SATB1: variants seen among roughly 807,000 people sequenced by gnomAD.
The protein encoded by SATB1 is DNA-binding protein SATB1.
In SATB1, 11 loss-of-function variants were observed where a neutral mutation model predicts 86.9. That is an observed-to-expected ratio of 0.13 (90% CI 0.08 to 0.21). The LOEUF (loss-of-function observed/expected upper bound fraction) is 0.21. Ranked by LOEUF, SATB1 falls within the 10% of genes least tolerant of loss-of-function variation. The pLI is 1.00. For synonymous variants in SATB1, 357 were observed against 357.2 expected (o/e 1.00, Z 0.01); for missense variants, 551 against 937.6 (o/e 0.59, Z 5.39).
At position 18,444,082 on chromosome 3, in the gene SATB1, C is replaced by A. The variant is rs935720583; in HGVS notation, c.-25+1436G>T. Reference sequence around the variant, plus strand: ...CGCGCAGGCAGGGAGCGGAGGGAGGCGGAGATGGACCGGGAAAGGATGCTG... The same window carrying A: ...CGCGCAGGCAGGGAGCGGAGGGAGGAGGAGATGGACCGGGAAAGGATGCTG... On this transcript the variant is annotated intron_variant, in intron 1 of 3. Coordinates refer to the SATB1 transcript ENST00000415069. This position sits in a 1 kb window ranked among gnomAD's most constrained non-coding sequence, Gnocchi z 5.1. 1.3e-5 allele frequency among the ~76,000 whole-genome samples: 2 copies of A among 152,064 alleles called. No individual in the cohort carries two copies. The highest frequency in any genetic ancestry group is 2.9e-5 in the Non-Finnish European group (2 of 68,020).
upstream of SATB1, among the ~76,000 whole-genome samples, chr3:18,439,626 C>T (rs1022956551): frequency 5.9e-5 from 9 of 151,832 alleles, no homozygotes; most frequent in African/African-American, 2.2e-4. Context: ...GAAGGAGAAC[C>T]TTATGTAACA....
At chr3:18,355,809 GC>G (rs1694602371) in intron 9 of SATB1, among the ~76,000 whole-genome samples, 1 of 151,890 alleles carries the variant, frequency 6.6e-6, no homozygotes, top group Non-Finnish European at 1.5e-5. Flanking sequence ...GGGACTAACA[GC>G]CTTAAAATAA....
intron 9 of SATB1, among the ~76,000 whole-genome samples, chr3:18,359,746 T>C (rs1347020211): frequency 6.6e-6 from 1 of 151,994 alleles, no homozygotes; most frequent in African/African-American, 2.4e-5. Context: ...TTAACATTTA[T>C]GCACTTTCTC....
At chr3:18,404,462 A>T (rs528044587) in intron 5 of SATB1, among the ~76,000 whole-genome samples, 2 of 152,178 alleles carry the variant, frequency 1.3e-5, no homozygotes, top group South Asian at 4.1e-4. Flanking sequence ...TTTCATACAA[A>T]GTAACCCTGG....
At chr3:18,443,505 G>T (rs2125214841), upstream of SATB1, among the ~76,000 whole-genome samples, 2 of 152,346 alleles carry the variant, frequency 1.3e-5, no homozygotes, top group Middle Eastern at 6.8e-3. This position sits in a 1 kb window ranked among gnomAD's most constrained non-coding sequence, Gnocchi z 4.4. Context: ...CCCTGTGGTT[G>T]ACATTTGTTA....
intron 3 of SATB1, 90 bp from the exon 4 acceptor site, chr3:18,416,223 C>G: frequency 1.0e-6 from 1 of 962,014 alleles, no homozygotes; most frequent in Non-Finnish European, 1.5e-6. Context: ...TCTACTACCC[C>G]TACCACAAGC....
chr3:18,394,888 G>A lies in SATB1; in HGVS notation c.780C>T (p.Ser260=), dbSNP rs766264815. 22 of 1,605,804 alleles carry A rather than the reference G, an allele frequency of 1.4e-5. No individual in the cohort carries two copies. Among genetic ancestry groups the A allele is most frequent in the Non-Finnish European group, 1.4e-5 (17 of 1,176,120 alleles). Reference sequence around the variant, plus strand: ...AATTGACATGATTGGCGCCTTGCTGGGATAGCTCAGAAAGACTATCCATTT... The same window carrying A: ...AATTGACATGATTGGCGCCTTGCTGAGATAGCTCAGAAAGACTATCCATTT... ...MVEMDSLSEL[S]QQGANHVNFG... Residue 260 remains serine (S), a synonymous_variant, in exon 7 of 11, where the codon TCC becomes TCT. Transcript: ENST00000338745. The surrounding 1 kb of genome is among the most constrained non-coding windows in gnomAD (Gnocchi z 5.9).
intron 3 of SATB1, among the ~76,000 whole-genome samples, chr3:18,416,579 T>G (rs1198766695): frequency 6.6e-6 from 1 of 152,106 alleles, no homozygotes; most frequent in Non-Finnish European, 1.5e-5. Flanking sequence ...TAAATGCAAA[T>G]TGACTCTCAA....
chr3:18,442,135 T>G (rs6773795), upstream of SATB1, among the ~76,000 whole-genome samples: 72 of 152,236 alleles, frequency 4.7e-4, no homozygotes, highest in African/African-American at 1.7e-3. Flanking sequence ...TATTCAGACT[T>G]TTGGAAGTTA....
intron 5 of SATB1, among the ~76,000 whole-genome samples, chr3:18,404,099 C>T (rs181720978): frequency 7.2e-4 from 110 of 152,086 alleles, no homozygotes; most frequent in African/African-American, 2.4e-3. Context: ...TAAGAGGCAT[C>T]GTATGAGATA....
intron 9 of SATB1, among the ~76,000 whole-genome samples, chr3:18,364,138 T>C (rs1695062789): frequency 6.6e-6 from 1 of 152,186 alleles, no homozygotes; most frequent in Non-Finnish European, 1.5e-5. Flanking sequence ...TATATATTTT[T>C]TTCCTCTACA....
At chr3:18,426,064 C>T (rs1345120194), upstream of SATB1, among the ~76,000 whole-genome samples, 1 of 152,106 alleles carries the variant, frequency 6.6e-6, no homozygotes, top group Admixed American at 6.6e-5. This position sits in a 1 kb window ranked among gnomAD's most constrained non-coding sequence, Gnocchi z 4.2. Context: ...GGTAGGGAGC[C>T]ATCAGGAAGT....
rs1698365872 is a variant in SATB1 at position 18,420,952 on chromosome 3, C to T, written c.16G>A (p.Glu6Lys). ...GAATGTTCTTTCCCCTGAGTTGCCTCGTTCAAATGATCCATACTCAGTCAC... is the reference window on the plus strand; with the variant it reads ...GAATGTTCTTTCCCCTGAGTTGCCTTGTTCAAATGATCCATACTCAGTCAC... MDHLN[E>K]ATQGKEHSEM... The change falls in exon 2 of 11, where the codon GAG becomes AAG. Residue 6 changes from glutamate to lysine, a missense_variant. Glu to Lys is a moderately conservative substitution (Grantham distance 56). Transcript: ENST00000338745. 1.2e-6 allele frequency: 2 copies of T among 1,614,082 alleles called. No homozygotes were observed. The highest frequency in any genetic ancestry group is 1.7e-6 in the Non-Finnish European group (2 of 1,179,980).
At chr3:18,416,772 G>A in intron 3 of SATB1, 130 bp downstream of exon 3, 1 of 893,364 alleles carries the variant, frequency 1.1e-6, no homozygotes, top group Non-Finnish European at 1.6e-6. Context: ...ATTTTTTAAA[G>A]CCACAGCCTA....
At chr3:18,356,668 A>G (rs971319095) in intron 9 of SATB1, among the ~76,000 whole-genome samples, 7 of 151,892 alleles carry the variant, frequency 4.6e-5, no homozygotes, top group Admixed American at 3.3e-4. Flanking sequence ...TCAGCTGCTA[A>G]TTTCCAACCA....
At position 18,424,344 on chromosome 3, in the gene SATB1, G is replaced by T; in HGVS notation, c.-742C>A. ...CCCCACCCCCCTCGCCAACAATCGC[G>T]ACTAATATTAACAAACCTTAAACTT... On this transcript the variant is annotated 5_prime_UTR_variant, in exon 1 of 11. Transcript: ENST00000338745. 1 of 142,158 alleles carries T rather than the reference G, an allele frequency of 7.0e-6. No homozygotes were observed. Among genetic ancestry groups the T allele is most frequent in the African/African-American group, 2.6e-5 (1 of 37,968 alleles). The allele number at this position is 142,158 out of a possible 1,614,324, so 8.8% of individuals were successfully genotyped here. A position where few individuals can be genotyped will look rare whatever the true frequency, so the allele number is the denominator to read the frequency against.
upstream of SATB1, among the ~76,000 whole-genome samples, chr3:18,426,500 G>C (rs1250493213): frequency 6.6e-6 from 1 of 152,182 alleles, no homozygotes; most frequent in Non-Finnish European, 1.5e-5. This position sits in a 1 kb window ranked among gnomAD's most constrained non-coding sequence, Gnocchi z 4.2. Flanking sequence ...TACCCAGTTA[G>C]ATAAATGGTC....
chr3:18,445,105 C>T (rs1419123570), intron 1 of SATB1: 2 of 590,142 alleles, frequency 3.4e-6, no homozygotes, highest in Non-Finnish European at 4.2e-6. Context: ...ACGCTGCGCC[C>T]GGGGGCTCGG....
At chr3:18,419,292 A>G (rs1487136542) in intron 2 of SATB1, among the ~76,000 whole-genome samples, 1 of 151,200 alleles carries the variant, frequency 6.6e-6, no homozygotes, top group East Asian at 1.9e-4. Context: ...GTTTGGCGAG[A>G]GTTCCAACTA....
Sources: allele counts gnomAD v4.1 joint callset (sites outside exome capture counted in the v4.1 genomes callset), GRCh38; gene constraint gnomAD v4.1.1; non-coding constraint Gnocchi (gnomAD v3.1); transcripts MANE v1.5; gene names NCBI Gene and HGNC (gene_info 2026-07-23, HGNC 2026-07-21).